Variants in KCNIP4 observed in about 807,000 individuals in gnomAD.
KCNIP4 encodes Kv channel-interacting protein 4.
Under a neutral mutation model 34.0 loss-of-function variants are expected in KCNIP4, and 12 were observed. The ratio of observed to expected loss-of-function variants is 0.35; its 90% confidence interval spans 0.23 to 0.57. KCNIP4 has a LOEUF of 0.57. KCNIP4 is among the 20% of genes least tolerant of loss of function. The pLI is 0.83. For synonymous variants in KCNIP4, 124 were observed against 102.2 expected, an observed-to-expected ratio of 1.21 and a Z score of -1.29; for missense variants, 238 against 311.7, an observed-to-expected ratio of 0.76 and a Z score of 1.78.
chr4:21,104,762 A>C (rs1429654570), intron 1 of KCNIP4, among the ~76,000 whole-genome samples: 3 of 151,586 alleles, frequency 2.0e-5, no homozygotes, highest in Non-Finnish European at 4.4e-5. Context: ...ACCTTTAATT[A>C]ATTTTTGTAT....
intron 3 of KCNIP4, among the ~76,000 whole-genome samples, chr4:20,837,612 G>A (rs1719200741): frequency 7.0e-6 from 1 of 143,266 alleles, no homozygotes; most frequent in Admixed American, 6.9e-5. Context: ...ATTATTTATT[G>A]AGTTCTCAGT....
chr4:20,799,635 G>A (rs1435459309), intron 3 of KCNIP4, among the ~76,000 whole-genome samples: 1 of 152,138 alleles, frequency 6.6e-6, no homozygotes, highest in African/African-American at 2.4e-5. Context: ...AGCCACAGTG[G>A]TGCCTTGCCA....
chr4:21,519,594 GTA>G (rs375606443), intron 1 of KCNIP4, among the ~76,000 whole-genome samples: 521 of 25,974 alleles, frequency 0.02, 27 homozygotes, highest in Middle Eastern at 0.058. Flanking sequence ...GTATGTATGT[GTA>G]TATATACACA....
Position 21,693,966 on chromosome 4 carries a change from A to G in KCNIP4, c.61+254605T>C, listed in dbSNP as rs74973539. 4.9e-4 allele frequency among the ~76,000 whole-genome samples: 75 copies of G among 152,304 alleles called. No individual in the cohort carries two copies. In the East Asian group the frequency reaches 0.014, roughly 27 times the overall value. ...ATTCACCTCACACGTATATTTGGGG[A>G]ATTCTTGATAATGGAAAAATGTGTT... On this transcript the variant is annotated intron_variant, in intron 1 of 8. Coordinates refer to ENST00000382152, the MANE Select transcript of KCNIP4 (RefSeq NM_025221.6).
At chr4:21,680,120 A>G (rs928396580) in intron 1 of KCNIP4, among the ~76,000 whole-genome samples, 1 of 152,212 alleles carries the variant, frequency 6.6e-6, no homozygotes, top group African/African-American at 2.4e-5. Flanking sequence ...TTTCAAAATT[A>G]AAGTCAATCC....
intron 3 of KCNIP4, among the ~76,000 whole-genome samples, chr4:20,841,384 A>G (rs1719698627): frequency 6.6e-6 from 1 of 152,160 alleles, no homozygotes; most frequent in South Asian, 2.1e-4. Flanking sequence ...GTCCACAAGC[A>G]AAGAGGAAAC....
At chr4:21,561,950 C>A (rs1055071652) in intron 1 of KCNIP4, among the ~76,000 whole-genome samples, 5 of 151,930 alleles carry the variant, frequency 3.3e-5, no homozygotes, top group African/African-American at 1.2e-4. Flanking sequence ...AATGAAAACA[C>A]TGTGGCAATA....
chr4:21,882,036 C>G (rs1247761999), intron 1 of KCNIP4, among the ~76,000 whole-genome samples: 1 of 152,152 alleles, frequency 6.6e-6, no homozygotes, highest in Non-Finnish European at 1.5e-5. Flanking sequence ...TTTGAATCTA[C>G]TAACGCTTAT....
intron 1 of KCNIP4, among the ~76,000 whole-genome samples, chr4:21,584,970 C>T (rs1741502097): frequency 6.6e-6 from 1 of 151,542 alleles, no homozygotes; most frequent in African/African-American, 2.4e-5. Context: ...TAGGAAAAAA[C>T]TGAGGTGGAG....
chr4:21,796,383 G>A (rs1054488595), intron 1 of KCNIP4, among the ~76,000 whole-genome samples: 1 of 152,140 alleles, frequency 6.6e-6, no homozygotes, highest in East Asian at 1.9e-4. Flanking sequence ...GTTGACTGGA[G>A]TGACCTCTTC....
chr4:20,977,461 G>C (rs1354424559), intron 1 of KCNIP4, among the ~76,000 whole-genome samples: 1 of 152,116 alleles, frequency 6.6e-6, no homozygotes, highest in African/African-American at 2.4e-5. Context: ...TCAACCACAG[G>C]TGTGTTTCCT....
chr4:21,405,158 G>A (rs549474590), intron 1 of KCNIP4, among the ~76,000 whole-genome samples: 16 of 152,120 alleles, frequency 1.1e-4, no homozygotes, highest in South Asian at 2.1e-4. Flanking sequence ...CCAGAATCCC[G>A]TCTCCCTGAA....
chr4:21,200,329 T>C (rs928595651), intron 1 of KCNIP4, among the ~76,000 whole-genome samples: 1 of 133,438 alleles, frequency 7.5e-6, no homozygotes, highest in African/African-American at 3.7e-5. Context: ...TATGTGTGTA[T>C]ATATATATAC....
rs142197938 is a variant in KCNIP4 at position 21,593,367 on chromosome 4, G to T, written c.61+355204C>A. On this transcript the variant is annotated intron_variant, in intron 1 of 8. Transcript: ENST00000382152. ...TTATCTCTGAAAGAGCAAAGACAGA[G>T]TGGGAACCTCCGAGTGGTTTTGTGG... 1.6e-3 allele frequency among the ~76,000 whole-genome samples: 241 copies of T among 152,232 alleles called. 1 individual carries two copies. Among genetic ancestry groups the T allele is most frequent in the African/African-American group, 5.4e-3 (226 of 41,542 alleles).
At chr4:21,377,545 C>CT (rs571555219) in intron 1 of KCNIP4, among the ~76,000 whole-genome samples, 10 of 152,164 alleles carry the variant, frequency 6.6e-5, no homozygotes, top group South Asian at 6.2e-4. Flanking sequence ...TGTATCAATT[C>CT]TTTTTGTATA....
chr4:21,213,571 T>A (rs1577898587), intron 1 of KCNIP4, among the ~76,000 whole-genome samples: 1 of 152,034 alleles, frequency 6.6e-6, no homozygotes, highest in South Asian at 2.1e-4. Context: ...CAAAGTGCTG[T>A]GATTACAGGC....
chr4:21,807,610 A>G (rs1205611524), intron 1 of KCNIP4, among the ~76,000 whole-genome samples: 6 of 152,200 alleles, frequency 3.9e-5, no homozygotes, highest in Non-Finnish European at 7.3e-5. Flanking sequence ...CATGTTAATA[A>G]CCTGTGGCTT....
At chr4:21,501,715 T>TGCGCGC (rs1553893377) in intron 1 of KCNIP4, among the ~76,000 whole-genome samples, 2 of 150,732 alleles carry the variant, frequency 1.3e-5, no homozygotes, top group African/African-American at 4.9e-5. Flanking sequence ...TGTGTGTGTG[T>TGCGCGC]GCGTTGGAAG....
intron 1 of KCNIP4, among the ~76,000 whole-genome samples, chr4:21,282,696 A>G (rs1436030294): frequency 1.3e-5 from 2 of 152,162 alleles, no homozygotes; most frequent in Admixed American, 6.5e-5. Context: ...ATTTCTCTCA[A>G]TGTGTGCTGG....
Sources: allele counts gnomAD v4.1 joint callset (sites outside exome capture counted in the v4.1 genomes callset), GRCh38; gene constraint gnomAD v4.1.1; transcripts MANE v1.5; gene names NCBI Gene and HGNC (gene_info 2026-07-23, HGNC 2026-07-21).